Variants in SERINC5 observed in about 807,000 individuals in gnomAD.
The protein encoded by SERINC5 is serine incorporator 5.
Under a neutral mutation model 63.1 loss-of-function variants are expected in SERINC5, and 41 were observed. The observed-to-expected ratio is 0.65, with a 90% confidence interval of 0.51 to 0.84. The LOEUF (loss-of-function observed/expected upper bound fraction) is 0.84, where lower values mean the gene tolerates loss of function less well. Among genes scored for constraint, SERINC5 ranks in the 40% least tolerant of loss-of-function variants. SERINC5 has a pLI of 0.00. For missense variants in SERINC5, 523 were observed against 573.0 expected (o/e 0.91, Z 0.89); for synonymous variants, 222 against 215.2 (o/e 1.03, Z -0.28).
At chr5:80,178,582 G>A (rs1218087834) in intron 2 of SERINC5, among the ~76,000 whole-genome samples, 4 of 73,324 alleles carry the variant, frequency 5.5e-5, no homozygotes, top group Non-Finnish European at 1.0e-4. Flanking sequence ...GTTTTGTCAT[G>A]TTGCCCAGAC....
At chr5:80,135,153 T>C (rs1745108058), downstream of SERINC5, among the ~76,000 whole-genome samples, 1 of 152,102 alleles carries the variant, frequency 6.6e-6, no homozygotes, top group Admixed American at 6.6e-5. Context: ...AACCTCTGCC[T>C]CCCTGGAGTA....
chr5:80,185,705 T>C (rs539096973), intron 2 of SERINC5, among the ~76,000 whole-genome samples: 6 of 150,154 alleles, frequency 4.0e-5, no homozygotes, highest in Non-Finnish European at 7.4e-5. Flanking sequence ...GGAATGGGAG[T>C]CGCAAGGTGC....
intron 1 of SERINC5, among the ~76,000 whole-genome samples, chr5:80,238,127 AG>A: frequency 6.6e-6 from 1 of 151,142 alleles, no homozygotes; most frequent in Non-Finnish European, 1.5e-5. Flanking sequence ...AAAAAAGAAA[AG>A]AAAAAAGAAA....
intron 1 of SERINC5, among the ~76,000 whole-genome samples, chr5:80,246,779 G>A (rs1220636656): frequency 6.6e-6 from 1 of 152,180 alleles, no homozygotes; most frequent in Non-Finnish European, 1.5e-5. Context: ...GTTCTAAAAT[G>A]TTTTGAAATA....
intron 1 of SERINC5, among the ~76,000 whole-genome samples, chr5:80,237,271 ACT>A (rs1751738171): frequency 6.6e-6 from 1 of 151,936 alleles, no homozygotes; most frequent in South Asian, 2.1e-4. Context: ...TTTGCACAGG[ACT>A]CTCTAATTGT....
intron 1 of SERINC5, among the ~76,000 whole-genome samples, chr5:80,226,979 T>G (rs917442047): frequency 6.6e-6 from 1 of 152,172 alleles, no homozygotes; most frequent in Non-Finnish European, 1.5e-5. Context: ...CACTGCAACC[T>G]CCACCTCCCG....
chr5:80,116,249 G>C, intron 11 of SERINC5: 1 of 454,360 alleles, frequency 2.2e-6, no homozygotes, highest in Non-Finnish European at 4.4e-6. Flanking sequence ...TCGGAGTTGG[G>C]GCCAGAGATG....
At chr5:80,248,973 G>A (rs1027832768) in intron 1 of SERINC5, among the ~76,000 whole-genome samples, 2 of 152,000 alleles carry the variant, frequency 1.3e-5, no homozygotes, top group Non-Finnish European at 2.9e-5. Flanking sequence ...ACCTCTTAAT[G>A]CAAAAGCTCA....
chr5:80,133,157 T>C (rs1745015050), intron 11 of SERINC5, among the ~76,000 whole-genome samples: 1 of 152,134 alleles, frequency 6.6e-6, no homozygotes, highest in South Asian at 2.1e-4. Context: ...CCTTCCACAG[T>C]GAGTAAAAGC....
chr5:80,162,537 C>T (rs1747011595), intron 7 of SERINC5, among the ~76,000 whole-genome samples: 1 of 152,104 alleles, frequency 6.6e-6, no homozygotes, highest in Admixed American at 6.6e-5. Flanking sequence ...CCACACTCAG[C>T]TAATTTGTAA....
chr5:80,217,817 A>T (rs892587744), intron 1 of SERINC5, among the ~76,000 whole-genome samples: 1 of 152,180 alleles, frequency 6.6e-6, no homozygotes, highest in Non-Finnish European at 1.5e-5. Context: ...CTGCACTGGA[A>T]GTCCCTGATC....
At chr5:80,112,955 C>T (rs1175597952) in intron 12 of SERINC5, among the ~76,000 whole-genome samples, 1 of 152,020 alleles carries the variant, frequency 6.6e-6, no homozygotes, top group Non-Finnish European at 1.5e-5. Flanking sequence ...TAAAGTGAGA[C>T]CGTGTCTCAA....
chr5:80,241,971 T>TAA (rs895227492), intron 1 of SERINC5, among the ~76,000 whole-genome samples: 3 of 139,644 alleles, frequency 2.1e-5, no homozygotes, highest in African/African-American at 7.9e-5. Context: ...AAAAGAGAAT[T>TAA]AAAAAAAAAA....
downstream of SERINC5, among the ~76,000 whole-genome samples, chr5:80,111,370 A>T (rs61127997): frequency 6.6e-6 from 1 of 152,136 alleles, no homozygotes; most frequent in African/African-American, 2.4e-5. Flanking sequence ...GTCTTACAGA[A>T]GTAAAACAGG....
At chr5:80,232,948 T>C (rs917515034) in intron 1 of SERINC5, among the ~76,000 whole-genome samples, 8 of 152,090 alleles carry the variant, frequency 5.3e-5, no homozygotes, top group African/African-American at 1.9e-4. Context: ...AGATTAACAA[T>C]TGCCAGGGCT....
In SERINC5 at chr5:80,146,143, G is replaced by A. The variant is rs368333548; in HGVS notation, c.1185C>T (p.Phe395=). ...GTVYIYSYFH[F]VFFLASLYVM... ...CATACAGGGAAGCTAGGAAGAACACGAAGTGGAAGTAGGAGTAGATGTAGA... is the reference window on the plus strand; with the variant it reads ...CATACAGGGAAGCTAGGAAGAACACAAAGTGGAAGTAGGAGTAGATGTAGA... The change falls in exon 11 of 12, where the codon TTC becomes TTT. Residue 395 remains phenylalanine, a synonymous_variant. Coordinates refer to ENST00000507668, the MANE Select transcript of SERINC5 (RefSeq NM_001174072.3). 1.9e-5 allele frequency: 31 copies of A among 1,613,868 alleles called. 1 individual carries two copies. The Admixed American group carries it at 3.3e-4, about 17-fold the overall frequency.
At chr5:80,203,257 C>CATAT (rs35653111) in intron 1 of SERINC5, 44,692 of 256,774 alleles carry the variant, frequency 0.17, 5,898 homozygotes, top group East Asian at 0.44. Flanking sequence ...TATATATACA[C>CATAT]ATATATATAT....
At chr5:80,161,404 A>T (rs1449255828) in intron 7 of SERINC5, among the ~76,000 whole-genome samples, 2 of 152,148 alleles carry the variant, frequency 1.3e-5, no homozygotes, top group African/African-American at 2.4e-5. Flanking sequence ...CTGGTGTGAA[A>T]TGACATCTAG....
chr5:80,175,230 CTA>C (rs1425314520), intron 4 of SERINC5, among the ~76,000 whole-genome samples, 183 bp from the exon 5 acceptor site: 1 of 152,134 alleles, frequency 6.6e-6, no homozygotes, highest in Non-Finnish European at 1.5e-5. Flanking sequence ...AATTGAGAAT[CTA>C]TGTAGGTTGA....
Sources: allele counts gnomAD v4.1 joint callset (sites outside exome capture counted in the v4.1 genomes callset), GRCh38; gene constraint gnomAD v4.1.1; transcripts MANE v1.5; gene names NCBI Gene and HGNC (gene_info 2026-07-23, HGNC 2026-07-21).